ZNF280D: variants seen among roughly 807,000 people sequenced by gnomAD.
The protein encoded by ZNF280D is suppressor of hairy wing homolog 4.
ZNF280D carries 39 observed loss-of-function variants against 94.7 expected under a neutral mutation model. That is an observed-to-expected ratio of 0.41 (90% CI 0.32 to 0.54). The LOEUF (loss-of-function observed/expected upper bound fraction) is 0.54. ZNF280D is among the 20% of genes least tolerant of loss of function. ZNF280D has a pLI of 0.22. For synonymous variants in ZNF280D, 398 were observed against 377.6 expected, an observed-to-expected ratio of 1.05 and a Z score of -0.63; for missense variants, 1,090 against 1,149.3, an observed-to-expected ratio of 0.95 and a Z score of 0.75.
chr15:56,704,252 G>T lies in ZNF280D; in HGVS notation c.44C>A (p.Ala15Glu), dbSNP rs750691070. 19 of 1,603,932 alleles carry T rather than the reference G, an allele frequency of 1.2e-5. No homozygotes were observed. Among genetic ancestry groups the T allele is most frequent in the Non-Finnish European group, 1.6e-5 (19 of 1,177,334 alleles). ...PFQPKSNSKMAELFMECEEEE... is the reference protein window; with the variant it reads ...PFQPKSNSKMEELFMECEEEE... ...TTCTTCACATTCCATAAACAGTTCT[G>T]CCATTTTTGAATTACCTAATTTTCA... The change falls in exon 4 of 22, where the codon GCA becomes GAA. Residue 15 changes from alanine to glutamate, a missense_variant. Transcript: ENST00000267807.
rs374793313 is a variant in ZNF280D at position 56,660,690 on chromosome 15, C to A, written c.1995-2204G>T. Among the ~76,000 whole-genome samples the A allele has an allele frequency of 3.1e-4, 47 of 151,906 alleles. No homozygotes were observed. In the South Asian group the frequency reaches 7.9e-3, roughly 26 times the overall value. On this transcript the variant is annotated intron_variant, in intron 16 of 21. Transcript: ENST00000267807. ...TTAAAACCTAATTTTTTAAAAAAAT[C>A]CCTTACTTGATTAGCTGACAGTATA...
At chr15:56,723,255 C>T (rs1018871964) in intron 1 of ZNF280D, among the ~76,000 whole-genome samples, 13 of 130,436 alleles carry the variant, frequency 1.0e-4, no homozygotes, top group African/African-American at 2.7e-4. Flanking sequence ...AATAAATAAT[C>T]AAAGTGAAAA....
chr15:56,637,323 G>A (rs533560097), intron 20 of ZNF280D, among the ~76,000 whole-genome samples: 62 of 150,598 alleles, frequency 4.1e-4, no homozygotes, highest in Non-Finnish European at 7.4e-4. Context: ...CACAGTATGT[G>A]CTCAACATGA....
chr15:56,725,953 A>T (rs1235183949), intron 1 of ZNF280D, among the ~76,000 whole-genome samples: 3 of 152,210 alleles, frequency 2.0e-5, no homozygotes, highest in Non-Finnish European at 4.4e-5. Context: ...GAAAAACAGG[A>T]ATGTTTGCAA....
intron 1 of ZNF280D, among the ~76,000 whole-genome samples, chr15:56,708,709 C>T (rs1346752103): frequency 2.6e-5 from 4 of 152,178 alleles, no homozygotes; most frequent in Non-Finnish European, 4.4e-5. Flanking sequence ...TACCACATAT[C>T]TATAACCATC....
rs1162265262 is a variant in ZNF280D, at chr15:56,632,119, T to C, written c.2319A>G (p.Lys773=). Residue 773 remains lysine, a synonymous_variant, in exon 22 of 22, where the codon AAA becomes AAG. Transcript: ENST00000267807. ...CTTTTGAAGAAGCAGCTTTATCTTG[T>C]TTACTGAAAAATAAAGTCATTTATT... The part of the protein sequence containing the change: ...RETETSNSES[K]QDKAASSKEK... 1.3e-6 allele frequency: 2 copies of C among 1,559,476 alleles called. No homozygotes were observed. Among genetic ancestry groups the C allele is most frequent in the Non-Finnish European group, 8.6e-7 (1 of 1,157,658 alleles).
chr15:56,702,677 C>T (rs1430709790), intron 4 of ZNF280D, among the ~76,000 whole-genome samples: 2 of 152,074 alleles, frequency 1.3e-5, no homozygotes, highest in African/African-American at 4.8e-5. Flanking sequence ...ACCGACGATG[C>T]CATCATGCCT....
chr15:56,697,511 A>G (rs1421315464), intron 6 of ZNF280D, among the ~76,000 whole-genome samples: 2 of 152,190 alleles, frequency 1.3e-5, no homozygotes, highest in African/African-American at 2.4e-5. Context: ...AAAACATTAG[A>G]AATAGCCTGT....
chr15:56,675,237 C>T (rs537940823), intron 13 of ZNF280D, among the ~76,000 whole-genome samples: 5 of 152,022 alleles, frequency 3.3e-5, no homozygotes, highest in Non-Finnish European at 7.4e-5. Context: ...ATTCTTCCCA[C>T]ATCTCTATCT....
intron 6 of ZNF280D, among the ~76,000 whole-genome samples, chr15:56,696,949 T>G (rs1312485597): frequency 6.6e-6 from 1 of 152,228 alleles, no homozygotes; most frequent in Non-Finnish European, 1.5e-5. Context: ...CTAACTCTTA[T>G]AACACCAAAC....
chr15:56,724,145 T>C (rs1393044387), intron 1 of ZNF280D, among the ~76,000 whole-genome samples: 1 of 152,182 alleles, frequency 6.6e-6, no homozygotes, highest in African/African-American at 2.4e-5. Context: ...TAAATGTATA[T>C]TGCTGTCACA....
chr15:56,659,569 T>G (rs1396454766), intron 16 of ZNF280D, among the ~76,000 whole-genome samples: 1 of 152,062 alleles, frequency 6.6e-6, no homozygotes, highest in African/African-American at 2.4e-5. Flanking sequence ...ATACATAGTA[T>G]GTATAGGAAA....
intron 21 of ZNF280D, among the ~76,000 whole-genome samples, chr15:56,633,048 T>C (rs1237604789): frequency 2.6e-5 from 4 of 152,142 alleles, no homozygotes; most frequent in Non-Finnish European, 5.9e-5. Context: ...AATCACAAAA[T>C]ATGAGAAACA....
chr15:56,639,869 C>T (rs535540183), intron 20 of ZNF280D, among the ~76,000 whole-genome samples: 92 of 152,098 alleles, frequency 6.0e-4, no homozygotes, highest in Admixed American at 5.2e-3. Context: ...ATAATCTTGA[C>T]ATAACAAAAC....
At chr15:56,669,070 G>T in intron 13 of ZNF280D, 113 bp from the exon 14 acceptor site, 1 of 935,914 alleles carries the variant, frequency 1.1e-6, no homozygotes, top group Non-Finnish European at 1.6e-6. Context: ...AAAAACTTGC[G>T]GTTTAACATC....
Position 56,631,569 on chromosome 15 carries a change from T to C in ZNF280D, c.2869A>G (p.Ile957Val). 1.2e-6 allele frequency: 2 copies of C among 1,614,110 alleles called. No homozygotes were observed. Among genetic ancestry groups the C allele is most frequent in the South Asian group, 1.1e-5 (1 of 91,084 alleles). ...DEVVSDQTDD[I>V]PGGNNPSTTE... ...GTGCTAGGGTTATTTCCTCCAGGAA[T>C]GTCATCTGTTTGATCAGACACTACT... The change falls in exon 22 of 22, where the codon ATT becomes GTT. Residue 957 changes from isoleucine to valine, a missense_variant. This residue lies in a region of ZNF280D where 577 missense variants were observed against 568.8 expected (regional missense o/e 1.01). Transcript: ENST00000267807.
At chr15:56,712,978 G>T (rs1339623183) in intron 1 of ZNF280D, among the ~76,000 whole-genome samples, 6 of 152,090 alleles carry the variant, frequency 3.9e-5, no homozygotes, top group African/African-American at 1.4e-4. Flanking sequence ...GAACTCAAGT[G>T]ATCTGCCCGC....
chr15:56,653,449 T>A (rs996945160), intron 19 of ZNF280D: 1 of 1,459,560 alleles, frequency 6.9e-7, no homozygotes, highest in East Asian at 2.7e-5. Flanking sequence ...AAGATCTGAT[T>A]TCTTGAGGCC....
chr15:56,693,045 A>G (rs1338437663), intron 7 of ZNF280D, 53 bp downstream of exon 7: 20 of 1,044,488 alleles, frequency 1.9e-5, no homozygotes, highest in Non-Finnish European at 2.8e-5. Context: ...TCTCATATGC[A>G]TATTCATCAA....
Sources: gnomAD v4.1 joint callset for allele counts (sites outside exome capture counted in the v4.1 genomes callset) on GRCh38, gnomAD v4.1.1 for gene constraint, gnomAD v4.1.1 regional missense constraint, MANE v1.5 for transcripts, NCBI Gene and HGNC (gene_info 2026-07-23, HGNC 2026-07-21) for gene names.